Variants in ADAMTS2 observed in about 807,000 individuals in gnomAD.
ADAMTS2 encodes ADAM metallopeptidase with thrombospondin type 1 motif 2.
In ADAMTS2, 50 loss-of-function variants were observed where a neutral mutation model predicts 123.0. That is an observed-to-expected ratio of 0.41 (90% CI 0.32 to 0.51). The LOEUF (loss-of-function observed/expected upper bound fraction) is 0.51. Ranked by LOEUF, ADAMTS2 falls within the 20% of genes least tolerant of loss-of-function variation. The probability of loss-of-function intolerance (pLI) is 0.35; values close to 1 mark genes in which losing one functional copy is unlikely to be tolerated. For missense variants in ADAMTS2, 1,494 were observed against 1,705.2 expected, an observed-to-expected ratio of 0.88 and a Z score of 2.18; for synonymous variants, 678 against 695.4, an observed-to-expected ratio of 0.98 and a Z score of 0.39.
intron 3 of ADAMTS2, among the ~76,000 whole-genome samples, chr5:179,258,257 AC>A (rs1157163520): frequency 6.7e-6 from 1 of 148,204 alleles, no homozygotes; most frequent in African/African-American, 2.5e-5. Context: ...TCCCAGCCTG[AC>A]CCCCCCAGAC....
In ADAMTS2 at chr5:179,126,046, G is replaced by A. The variant is rs756911796; in HGVS notation, c.2702C>T (p.Pro901Leu). ...HRGFCAALSK[P>L]KAIRRACNPQ... ...GTTGCACGCTCTGCGGATGGCTTTG[G>A]GCTTCGAGAGGGCGGCACAGAAGCC... Residue 901 changes from proline to leucine, a missense_variant, in exon 18 of 22, where the codon CCC becomes CTC. Around this residue, in one of 6 missense-constraint regions of ADAMTS2, gnomAD observed 953 missense variants for 1,124.7 expected, o/e 0.85. Coordinates refer to ENST00000251582, the MANE Select transcript of ADAMTS2 (RefSeq NM_014244.5). 1.2e-6 allele frequency: 2 copies of A among 1,613,418 alleles called. No individual in the cohort carries two copies. Among genetic ancestry groups the A allele is most frequent in the South Asian group, 2.2e-5 (2 of 91,088 alleles).
rs1445764516 is a variant in ADAMTS2 at position 179,208,729 on chromosome 5, C to CA, written c.689-1015_689-1014insT. ...GGCAGCCCCAGACCACACTGCCCAC[C>CA]GCCCCCCAAGCCCCAGTGTCCTGGA... On this transcript the variant is annotated intron_variant, in intron 3 of 21. Transcript: ENST00000251582. Among the ~76,000 whole-genome samples the CA allele has an allele frequency of 2.9e-3, 447 of 152,248 alleles. 3 individuals are homozygous for CA. The highest frequency in any genetic ancestry group is 0.01 in the African/African-American group (427 of 41,540).
At chr5:179,309,758 A>T (rs1016358781) in intron 2 of ADAMTS2, among the ~76,000 whole-genome samples, 1 of 42,486 alleles carries the variant, frequency 2.4e-5, no homozygotes. Flanking sequence ...CTCAGTCTCC[A>T]AAAAAAAAAA....
rs1286634147 is a variant in ADAMTS2 at position 179,117,961 on chromosome 5, A to AT, written c.3179-3638dup. On this transcript the variant is annotated intron_variant, in intron 21 of 21. Transcript: ENST00000251582. This position sits in a 1 kb window ranked among gnomAD's most constrained non-coding sequence, Gnocchi z 4.2. Reference sequence around the variant, plus strand: ...GGCCCTTTACAGAAAAGGTTGACTGATCGTGGGTCAAGTGCACGCCTAGGT... The same window carrying AT: ...GGCCCTTTACAGAAAAGGTTGACTGATTCGTGGGTCAAGTGCACGCCTAGGT... 6.6e-6 allele frequency among the ~76,000 whole-genome samples: 1 copy of AT among 152,168 alleles called. No individual in the cohort carries two copies. The highest frequency in any genetic ancestry group is 1.5e-5 in the Non-Finnish European group (1 of 68,020).
chr5:179,318,096 T>C (rs1451370391), intron 2 of ADAMTS2, among the ~76,000 whole-genome samples: 1 of 152,122 alleles, frequency 6.6e-6, no homozygotes. Context: ...AGGCCCCCCT[T>C]GGACCAGGAG....
At position 179,134,911 on chromosome 5, in the gene ADAMTS2, C is replaced by T. The variant is rs75912116; in HGVS notation, c.2085+998G>A. On this transcript the variant is annotated intron_variant, in intron 13 of 21. Coordinates refer to ENST00000251582, the MANE Select transcript of ADAMTS2 (RefSeq NM_014244.5). ...CCAGACCCCAGCTCCCGGCTCCAGCCCCCAGCTCCCGGCTCCAGCCCCCAG... is the reference window on the plus strand; with the variant it reads ...CCAGACCCCAGCTCCCGGCTCCAGCTCCCAGCTCCCGGCTCCAGCCCCCAG... Among the ~76,000 whole-genome samples the T allele has an allele frequency of 4.7e-3, 265 of 56,618 alleles. 5 individuals carry two copies. The highest frequency in any genetic ancestry group is 8.6e-3 in the Middle Eastern group (1 of 116). 37.1% of individuals were successfully genotyped at this position (56,618 alleles called of 152,430 possible). A position where few individuals can be genotyped will look rare whatever the true frequency, so the allele number is the denominator to read the frequency against.
chr5:179,300,745 C>CA (rs529973929), intron 2 of ADAMTS2, among the ~76,000 whole-genome samples: 47 of 152,316 alleles, frequency 3.1e-4, no homozygotes, highest in African/African-American at 1.1e-3. Context: ...CTCAAAAGTG[C>CA]ACTTTAAGGC....
In ADAMTS2 at chr5:179,180,002, G is replaced by T. The variant is rs1764010152; in HGVS notation, c.975+1070C>A. On this transcript the variant is annotated intron_variant, in intron 5 of 21. Transcript: ENST00000251582. The surrounding 1 kb of genome is among the most constrained non-coding windows in gnomAD (Gnocchi z 4.6). ...CTGGGTAAGAAGCCTGACTCCTCGG[G>T]TGCTGGATGGCCCTGGCTGCTTACC... Among the ~76,000 whole-genome samples, 1 of 152,134 alleles carries T rather than the reference G, an allele frequency of 6.6e-6. No individual in the cohort carries two copies. Among genetic ancestry groups the T allele is most frequent in the African/African-American group, 2.4e-5 (1 of 41,422 alleles).
intron 2 of ADAMTS2, among the ~76,000 whole-genome samples, chr5:179,327,323 T>G (rs748051168): frequency 6.6e-6 from 1 of 152,122 alleles, no homozygotes; most frequent in Non-Finnish European, 1.5e-5. Flanking sequence ...TCCACATTCA[T>G]AGAGTCTCCA....
At chr5:179,282,581 TCTC>T (rs1170487217) in intron 2 of ADAMTS2, among the ~76,000 whole-genome samples, 4 of 152,242 alleles carry the variant, frequency 2.6e-5, no homozygotes, top group African/African-American at 4.8e-5. Flanking sequence ...CCTCTGTTCT[TCTC>T]CTCAATAGCA....
At chr5:179,140,138 C>G in intron 10 of ADAMTS2, 103 bp from the exon 11 acceptor site, 2 of 1,544,694 alleles carry the variant, frequency 1.3e-6, no homozygotes, top group Non-Finnish European at 1.8e-6. Flanking sequence ...CCTGGCCCCA[C>G]TCTGGGGCAC....
intron 6 of ADAMTS2, among the ~76,000 whole-genome samples, chr5:179,157,943 G>A (rs4701061): frequency 0.19 from 29,133 of 151,476 alleles, 3,587 homozygotes; most frequent in African/African-American, 0.35. Flanking sequence ...TTTCCATTGA[G>A]TTCATGGTTT....
At chr5:179,124,003 T>C (rs548148895) in intron 19 of ADAMTS2, among the ~76,000 whole-genome samples, 1 of 152,344 alleles carries the variant, frequency 6.6e-6, no homozygotes, top group Admixed American at 6.5e-5. Context: ...TTGCCACACA[T>C]GGGTGCAGGG....
intron 3 of ADAMTS2, among the ~76,000 whole-genome samples, chr5:179,223,718 A>C (rs1262104682): frequency 6.6e-6 from 1 of 152,256 alleles, no homozygotes; most frequent in Non-Finnish European, 1.5e-5. Context: ...ACACAAACGC[A>C]CATGCATACA....
intron 4 of ADAMTS2, among the ~76,000 whole-genome samples, chr5:179,190,904 T>C (rs921765548): frequency 2.0e-5 from 3 of 152,270 alleles, no homozygotes; most frequent in Admixed American, 2.0e-4. Flanking sequence ...CCCTGTGTTT[T>C]CCAGAGCTGG....
intron 2 of ADAMTS2, among the ~76,000 whole-genome samples, chr5:179,300,111 A>AG (rs1192280213): frequency 5.8e-4 from 88 of 151,562 alleles, no homozygotes; most frequent in Non-Finnish European, 9.6e-4. Flanking sequence ...AAAAAAAAAA[A>AG]AAGAAGAATC....
At chr5:179,211,005 G>T (rs560599202) in intron 3 of ADAMTS2, among the ~76,000 whole-genome samples, 45 of 152,374 alleles carry the variant, frequency 3.0e-4, no homozygotes, top group Middle Eastern at 6.8e-3. Flanking sequence ...CTGGCCAGTG[G>T]GCCTGGCGTG....
intron 3 of ADAMTS2, among the ~76,000 whole-genome samples, chr5:179,231,667 C>T (rs1397068052): frequency 1.3e-5 from 2 of 152,042 alleles, no homozygotes; most frequent in African/African-American, 4.8e-5. Flanking sequence ...TATAACAAGT[C>T]GTTCCCTGTC....
intron 2 of ADAMTS2, among the ~76,000 whole-genome samples, chr5:179,338,120 A>G (rs1341878025): frequency 6.6e-6 from 1 of 152,140 alleles, no homozygotes; most frequent in African/African-American, 2.4e-5. Flanking sequence ...CCAGCCACAC[A>G]ATGGAGTGCA....
Sources: gnomAD v4.1 joint callset for allele counts (sites outside exome capture counted in the v4.1 genomes callset) on GRCh38, gnomAD v4.1.1 for gene constraint, gnomAD v4.1.1 regional missense constraint, Gnocchi (gnomAD v3.1) non-coding constraint, MANE v1.5 for transcripts, NCBI Gene and HGNC (gene_info 2026-07-23, HGNC 2026-07-21) for gene names.